TRMT1L: variants seen among roughly 807,000 people sequenced by gnomAD.
TRMT1L encodes the protein tRNA methyltransferase 1L, also known as tRNA (guanine(27)-N(2))-dimethyltransferase.
Under a neutral mutation model 81.6 loss-of-function variants are expected in TRMT1L, and 28 were observed. The observed-to-expected ratio is 0.34, with a 90% confidence interval of 0.25 to 0.47. The LOEUF (loss-of-function observed/expected upper bound fraction) is 0.47. Among genes scored for constraint, TRMT1L ranks in the 20% least tolerant of loss-of-function variants. The pLI, the probability that TRMT1L is intolerant of heterozygous loss-of-function variation, is 1.00. For synonymous variants in TRMT1L, 301 were observed against 303.2 expected (o/e 0.99, Z 0.07); for missense variants, 739 against 877.1 (o/e 0.84, Z 1.99).
At chr1:185,135,842 A>C (rs187676173) in intron 10 of TRMT1L, among the ~76,000 whole-genome samples, 1 of 152,250 alleles carries the variant, frequency 6.6e-6, no homozygotes, top group East Asian at 1.9e-4. Context: ...ATCCTTTAAA[A>C]ATTAGCAAAT....
rs1380684870 is a variant in TRMT1L at position 185,124,955 on chromosome 1, A to C, written c.1748T>G (p.Val583Gly). The C allele has an allele frequency of 6.2e-7, 1 of 1,610,248 alleles. No individual in the cohort carries two copies. The highest frequency in any genetic ancestry group is 1.7e-5 in the Admixed American group (1 of 59,866). The change falls in exon 12 of 15, where the codon GTC becomes GGC. Residue 583 changes from valine (V) to glycine (G), a missense_variant. Val to Gly is a moderately radical substitution (Grantham distance 109). Transcript: ENST00000367506. ...GTTCAGTTAGTCACCTTGCTTGTTG[A>C]CATTTGAAGATGCATGAATTGAAAA... ...SQFSIHASSN[V>G]NKQEENGVFI...
Position 185,122,439 on chromosome 1 carries a change from T to G in TRMT1L, c.1822+1418A>C, listed in dbSNP as rs559921639. Among the ~76,000 whole-genome samples the G allele has an allele frequency of 5.9e-5, 9 of 152,268 alleles. No homozygotes were observed. The East Asian group carries it at 1.7e-3, about 29-fold the overall frequency. On this transcript the variant is annotated intron_variant, in intron 13 of 14. Coordinates refer to ENST00000367506, the MANE Select transcript of TRMT1L (RefSeq NM_030934.5). ...ACAGATTAAAAACAAATTTTTTTTT[T>G]GAGATGGAGTTTGGCTGTGTTGCCC...
chr1:185,145,700 T>C (rs1653170180), intron 4 of TRMT1L, 132 bp from the exon 5 acceptor site: 2 of 802,270 alleles, frequency 2.5e-6, no homozygotes, highest in Non-Finnish European at 3.7e-6. Context: ...CCATGTGACT[T>C]TGAAGTATCT....
chr1:185,131,920 C>T (rs1178973618), intron 10 of TRMT1L, among the ~76,000 whole-genome samples: 1 of 151,996 alleles, frequency 6.6e-6, no homozygotes, highest in Non-Finnish European at 1.5e-5. Flanking sequence ...GTAGGCAGAT[C>T]ACTTGAGGTC....
chr1:185,136,355 C>A (rs928694005), intron 10 of TRMT1L, among the ~76,000 whole-genome samples: 24 of 151,882 alleles, frequency 1.6e-4, no homozygotes, highest in African/African-American at 5.6e-4. Context: ...GTTGAGTGGG[C>A]CAAGATTGTG....
chr1:185,142,563 A>G (rs1041425557), intron 7 of TRMT1L, among the ~76,000 whole-genome samples: 4 of 152,084 alleles, frequency 2.6e-5, no homozygotes, highest in African/African-American at 7.2e-5. Flanking sequence ...TCCACTGTCT[A>G]AAGGCTAGGC....
chr1:185,134,034 T>A (rs1332595155), intron 10 of TRMT1L, among the ~76,000 whole-genome samples: 1 of 152,166 alleles, frequency 6.6e-6, no homozygotes, highest in African/African-American at 2.4e-5. Context: ...ATACTCTTTT[T>A]CCATGGAAGG....
chr1:185,134,254 C>T (rs182671820), intron 10 of TRMT1L, among the ~76,000 whole-genome samples: 1 of 152,264 alleles, frequency 6.6e-6, no homozygotes, highest in Non-Finnish European at 1.5e-5. Flanking sequence ...ATGATCTCAG[C>T]TCACTGCAAC....
intron 4 of TRMT1L, among the ~76,000 whole-genome samples, chr1:185,146,634 C>T (rs1424274274): frequency 6.6e-6 from 1 of 151,954 alleles, no homozygotes; most frequent in Non-Finnish European, 1.5e-5. Context: ...CTCATTACGC[C>T]AATATGCATT....
chr1:185,123,807 G>A (rs1177856035), intron 13 of TRMT1L, 50 bp downstream of exon 13: 7 of 1,125,392 alleles, frequency 6.2e-6, no homozygotes, highest in African/African-American at 1.7e-5. Flanking sequence ...TTTGCTATAT[G>A]CCTTTTTGAC....
At position 185,145,747 on chromosome 1, in the gene TRMT1L, CTTACT is replaced by C. The variant is rs1392111013; in HGVS notation, c.526-184_526-180del. On this transcript the variant is annotated intron_variant, in intron 4 of 14. Transcript: ENST00000367506. ...CCTGCATTTACATATACTTTTAAAACTTACTTTACAATAGGCCAGAAGGTTAATTT... is the reference window on the plus strand; with the variant it reads ...CCTGCATTTACATATACTTTTAAAACTTACAATAGGCCAGAAGGTTAATTT... Among the ~76,000 whole-genome samples the C allele has an allele frequency of 3.3e-5, 5 of 152,064 alleles. No individual in the cohort carries two copies. The East Asian group carries it at 9.7e-4, about 29-fold the overall frequency.
chr1:185,124,181 A>T (rs1652565543), intron 12 of TRMT1L, among the ~76,000 whole-genome samples: 1 of 152,152 alleles, frequency 6.6e-6, no homozygotes, highest in South Asian at 2.1e-4. Context: ...TTTGTACTAA[A>T]CAGAAAAAAC....
chr1:185,126,229 C>G (rs1652625085), intron 11 of TRMT1L, among the ~76,000 whole-genome samples: 1 of 152,146 alleles, frequency 6.6e-6, no homozygotes, highest in Non-Finnish European at 1.5e-5. Context: ...CTGTGCTGGG[C>G]TAGCTATATA....
rs147503781 is a variant in TRMT1L at position 185,139,222 on chromosome 1, C to T, written c.1322+145G>A. 9.6e-4 allele frequency: 565 copies of T among 587,868 alleles called. 5 individuals are homozygous for T. Among genetic ancestry groups the T allele is most frequent in the African/African-American group, 9.0e-3 (486 of 54,252 alleles). The allele number at this position is 587,868 out of a possible 1,614,324, so 36.4% of individuals were successfully genotyped here. Reference sequence around the variant, plus strand: ...TTAAATAAAATTACAACAGATACCACGTAAGATTAAAAACCAGTATTACAG... The same window carrying T: ...TTAAATAAAATTACAACAGATACCATGTAAGATTAAAAACCAGTATTACAG... On this transcript the variant is annotated intron_variant, in intron 9 of 14. Coordinates refer to ENST00000367506, the MANE Select transcript of TRMT1L (RefSeq NM_030934.5).
intron 1 of TRMT1L, among the ~76,000 whole-genome samples, chr1:185,155,927 T>C (rs1262143379): frequency 6.6e-6 from 1 of 152,138 alleles, no homozygotes; most frequent in Non-Finnish European, 1.5e-5. Flanking sequence ...CCTAAACTAC[T>C]ACTCAGCCTC....
Position 185,120,446 on chromosome 1 carries a change from G to A in TRMT1L, c.1886C>T (p.Thr629Ile). The change falls in exon 14 of 15, where the codon ACT becomes ATT. Residue 629 changes from threonine (T) to isoleucine (I), a missense_variant. By Grantham distance (89) the Thr-to-Ile change is moderately conservative. This residue lies in a region of TRMT1L where 196 missense variants were observed against 232.6 expected (regional missense o/e 0.84). Coordinates refer to ENST00000367506, the MANE Select transcript of TRMT1L (RefSeq NM_030934.5). ...LGKKQKTDVS[T>I]EHPPFYYNIH... Reference sequence around the variant, plus strand: ...GTTGTAATAAAAGGGAGGATGTTCAGTACTGACATCAGTCTTTTGCTTCTT... The same window carrying A: ...GTTGTAATAAAAGGGAGGATGTTCAATACTGACATCAGTCTTTTGCTTCTT... The A allele has an allele frequency of 6.2e-7, 1 of 1,603,336 alleles. No homozygotes were observed. The highest frequency in any genetic ancestry group is 8.5e-7 in the Non-Finnish European group (1 of 1,176,016).
At chr1:185,138,757 AAAG>A (rs1217405609) in intron 9 of TRMT1L, among the ~76,000 whole-genome samples, 4 of 152,222 alleles carry the variant, frequency 2.6e-5, no homozygotes, top group Non-Finnish European at 2.9e-5. Context: ...CTATATAAAT[AAAG>A]AAGATAAAAC....
intron 1 of TRMT1L, among the ~76,000 whole-genome samples, 173 bp downstream of exon 1, chr1:185,156,305 T>C (rs1235768700): frequency 1.3e-5 from 2 of 152,134 alleles, no homozygotes; most frequent in Non-Finnish European, 2.9e-5. Flanking sequence ...AGATGCCGTC[T>C]CCCATTCTGT....
At chr1:185,145,905 G>A (rs1247108020) in intron 4 of TRMT1L, among the ~76,000 whole-genome samples, 1 of 151,700 alleles carries the variant, frequency 6.6e-6, no homozygotes, top group Non-Finnish European at 1.5e-5. Flanking sequence ...GGAAAATAAA[G>A]CCCTGATTTG....
Sources: gnomAD v4.1 joint callset for allele counts (sites outside exome capture counted in the v4.1 genomes callset) on GRCh38, gnomAD v4.1.1 for gene constraint, gnomAD v4.1.1 regional missense constraint, MANE v1.5 for transcripts, NCBI Gene and HGNC (gene_info 2026-07-23, HGNC 2026-07-21) for gene names.